Variants in RPH3A observed in about 807,000 individuals in gnomAD.
RPH3A encodes the protein rabphilin-3A.
Under a neutral mutation model 102.2 loss-of-function variants are expected in RPH3A, and 48 were observed. That is an observed-to-expected ratio of 0.47 (90% CI 0.37 to 0.60). RPH3A has a LOEUF of 0.60. Among genes scored for constraint, RPH3A ranks in the 20% least tolerant of loss-of-function variants. The pLI, the probability that RPH3A is intolerant of heterozygous loss-of-function variation, is 0.00. For missense variants in RPH3A, 781 were observed against 910.1 expected (o/e 0.86, Z 1.83); for synonymous variants, 310 against 324.3 (o/e 0.96, Z 0.47).
chr12:112,895,411 AC>A (rs1023753287), intron 20 of RPH3A: 9 of 180,418 alleles, frequency 5.0e-5, no homozygotes, highest in African/African-American at 1.9e-4. Flanking sequence ...CACTTCAACT[AC>A]TTTTATTCCT....
chr12:112,650,892 C>T (rs2039970175), intron 1 of RPH3A: 1 of 152,056 alleles, frequency 6.6e-6, no homozygotes, highest in East Asian at 2.0e-4. Flanking sequence ...TTACACCTGG[C>T]TAATTTTTTA....
chr12:112,597,628 C>T (rs1429136717), intron 1 of RPH3A, among the ~76,000 whole-genome samples: 1 of 152,140 alleles, frequency 6.6e-6, no homozygotes, highest in Non-Finnish European at 1.5e-5. Context: ...AGTAAATGAC[C>T]TATCCCCAAT....
intron 19 of RPH3A, among the ~76,000 whole-genome samples, chr12:112,892,598 C>A (rs976372700): frequency 1.3e-5 from 2 of 152,162 alleles, no homozygotes; most frequent in African/African-American, 2.4e-5. Context: ...TTGTGGGAAG[C>A]GTGGCTTCAG....
intron 1 of RPH3A, among the ~76,000 whole-genome samples, chr12:112,721,447 G>A (rs1272541691): frequency 6.6e-6 from 1 of 152,154 alleles, no homozygotes; most frequent in South Asian, 2.1e-4. Context: ...CAATATTTCA[G>A]GGAAGCAAAC....
intron 1 of RPH3A, among the ~76,000 whole-genome samples, chr12:112,678,908 C>T (rs768641634): frequency 3.3e-5 from 5 of 152,092 alleles, no homozygotes; most frequent in Non-Finnish European, 5.9e-5. Context: ...GTCTGTGTTC[C>T]GGGTGCTCTA....
In RPH3A at chr12:112,898,354, C is replaced by T. The variant is rs899002134; in HGVS notation, c.*1574C>T. The T allele has an allele frequency of 8.5e-5, 13 of 152,192 alleles. No individual in the cohort carries two copies. Among genetic ancestry groups the T allele is most frequent in the African/African-American group, 2.4e-4 (10 of 41,444 alleles). 9.4% of individuals were successfully genotyped at this position (152,192 alleles called of 1,614,324 possible). A position where few individuals can be genotyped will look rare whatever the true frequency, so the allele number is the denominator to read the frequency against. ...ATGAAGTCTTCCCTCATGAAAATCA[C>T]TCCCAGTCATCCCAAACCCCTGACA... On this transcript the variant is annotated 3_prime_UTR_variant, in exon 22 of 22. Coordinates refer to ENST00000389385, the MANE Select transcript of RPH3A (RefSeq NM_001143854.2).
In RPH3A at chr12:112,830,121, T is replaced by C. The variant is rs2041945073; in HGVS notation, c.71+1732T>C. Among the ~76,000 whole-genome samples, 3 of 152,304 alleles carry C rather than the reference T, an allele frequency of 2.0e-5. No individual in the cohort carries two copies. The South Asian group carries it at 6.2e-4, about 32-fold the overall frequency. ...CTTTCTAAATACTTGGGTTGTATAT[T>C]TACCTCTTTAATATAAAACTTCCCT... On this transcript the variant is annotated intron_variant, in intron 3 of 21. Coordinates refer to ENST00000389385, the MANE Select transcript of RPH3A (RefSeq NM_001143854.2).
chr12:112,605,520 G>A (rs867624193), intron 1 of RPH3A, among the ~76,000 whole-genome samples: 4 of 152,250 alleles, frequency 2.6e-5, no homozygotes, highest in South Asian at 2.1e-4. Context: ...GGGTGGTGGA[G>A]GTTGGACATG....
intron 1 of RPH3A, among the ~76,000 whole-genome samples, chr12:112,678,379 G>T (rs2136014746): frequency 6.6e-6 from 1 of 151,360 alleles, no homozygotes; most frequent in South Asian, 2.1e-4. Flanking sequence ...GGGAAAGAAA[G>T]AAAGAAGAAA....
intron 1 of RPH3A, among the ~76,000 whole-genome samples, chr12:112,679,648 G>T (rs2040213197): frequency 6.6e-6 from 1 of 152,084 alleles, no homozygotes; most frequent in South Asian, 2.1e-4. Context: ...CTGGTCTTGA[G>T]CTCCTAACCT....
Position 112,714,894 on chromosome 12 carries a change from A to G in RPH3A, c.-139-77249A>G, listed in dbSNP as rs756025528. Reference sequence around the variant, plus strand: ...GTATAGCCGGTCTATTTTTGCTTCTATACTTTGCTCATGTTTCTTTCTCTT... The same window carrying G: ...GTATAGCCGGTCTATTTTTGCTTCTGTACTTTGCTCATGTTTCTTTCTCTT... On this transcript the variant is annotated intron_variant, in intron 1 of 21. Transcript: ENST00000543106. 8.9e-4 allele frequency among the ~76,000 whole-genome samples: 135 copies of G among 152,120 alleles called. 1 individual carries two copies. Among genetic ancestry groups the G allele is most frequent in the Non-Finnish European group, 5.9e-4 (40 of 68,028 alleles).
intron 1 of RPH3A, among the ~76,000 whole-genome samples, chr12:112,752,304 T>G (rs1456525326): frequency 6.6e-6 from 1 of 152,214 alleles, no homozygotes; most frequent in African/African-American, 2.4e-5. Flanking sequence ...TAACCTTTGT[T>G]TGTTTCTCAT....
chr12:112,728,324 T>C (rs2040609342), intron 1 of RPH3A, among the ~76,000 whole-genome samples: 1 of 151,988 alleles, frequency 6.6e-6, no homozygotes, highest in Non-Finnish European at 1.5e-5. Flanking sequence ...TTAATTTCTC[T>C]TTCATGTTTT....
intron 10 of RPH3A, 75 bp from the exon 11 acceptor site, chr12:112,875,009 A>T: frequency 2.4e-6 from 3 of 1,274,886 alleles, no homozygotes; most frequent in Non-Finnish European, 3.3e-6. Context: ...ACACCAGCTG[A>T]GTGGTCCCAA....
chr12:112,848,590 T>C (rs2042271052), intron 5 of RPH3A, among the ~76,000 whole-genome samples: 1 of 152,190 alleles, frequency 6.6e-6, no homozygotes, highest in Non-Finnish European at 1.5e-5. Flanking sequence ...GGATGACACA[T>C]GCACAGTTCC....
chr12:112,798,132 G>T (rs1401201051), intron 2 of RPH3A, among the ~76,000 whole-genome samples: 1 of 152,204 alleles, frequency 6.6e-6, no homozygotes, highest in African/African-American at 2.4e-5. Flanking sequence ...TGGTTTTAAT[G>T]ATATAACACA....
intron 4 of RPH3A, among the ~76,000 whole-genome samples, chr12:112,838,991 C>T (rs918576653): frequency 1.3e-5 from 2 of 152,000 alleles, no homozygotes; most frequent in Non-Finnish European, 1.5e-5. Flanking sequence ...AGGCCGGGGC[C>T]GGTTTCTCAA....
chr12:112,840,747 C>T (rs1300921776), intron 4 of RPH3A, among the ~76,000 whole-genome samples: 1 of 152,116 alleles, frequency 6.6e-6, no homozygotes, highest in African/African-American at 2.4e-5. Context: ...AAAATACCTT[C>T]TAAAATAATA....
intron 5 of RPH3A, among the ~76,000 whole-genome samples, chr12:112,856,495 TG>T (rs2042413926): frequency 6.6e-6 from 1 of 151,944 alleles, no homozygotes; most frequent in Non-Finnish European, 1.5e-5. Flanking sequence ...TGTGTGTGTG[TG>T]TGTGTGTGTG....
Sources: allele counts gnomAD v4.1 joint callset (sites outside exome capture counted in the v4.1 genomes callset), GRCh38; gene constraint gnomAD v4.1.1; transcripts MANE v1.5; gene names NCBI Gene and HGNC (gene_info 2026-07-23, HGNC 2026-07-21).